The following LRMDA variants were observed in gnomAD, a reference collection of about 807,000 sequenced individuals.
LRMDA encodes leucine-rich melanocyte differentiation-associated protein.
In LRMDA, 18 loss-of-function variants were observed where a neutral mutation model predicts 29.8. That is an observed-to-expected ratio of 0.60 (90% CI 0.42 to 0.90). The LOEUF (loss-of-function observed/expected upper bound fraction) is 0.90. Among genes scored for constraint, LRMDA ranks in the 40% least tolerant of loss-of-function variants. The pLI is 0.00. For synonymous variants in LRMDA, 125 were observed against 109.4 expected (o/e 1.14, Z -0.89); for missense variants, 273 against 273.9 (o/e 1.00, Z 0.02).
At chr10:75,542,586 C>T (rs12257177) in intron 2 of LRMDA, among the ~76,000 whole-genome samples, 3,847 of 152,260 alleles carry the variant, frequency 0.025, 176 homozygotes, top group African/African-American at 0.088. Context: ...GAACTCACTG[C>T]AGATTAAGAG....
intron 2 of LRMDA, among the ~76,000 whole-genome samples, chr10:75,696,672 G>A (rs531385255): frequency 2.0e-5 from 3 of 152,292 alleles, no homozygotes; most frequent in East Asian, 3.9e-4. Context: ...TTACAGATGA[G>A]GAAATAAAGA....
intron 2 of LRMDA, among the ~76,000 whole-genome samples, chr10:75,723,230 C>A (rs949099983): frequency 3.9e-5 from 6 of 152,180 alleles, no homozygotes; most frequent in African/African-American, 1.4e-4. Flanking sequence ...AGGGAAACAG[C>A]CTGAGGAGCC....
At chr10:76,418,844 C>T (rs1370885941) in intron 6 of LRMDA, among the ~76,000 whole-genome samples, 1 of 151,920 alleles carries the variant, frequency 6.6e-6, no homozygotes, top group African/African-American at 2.4e-5. Flanking sequence ...ATATTTTGTG[C>T]CTCTGTAGAG....
At chr10:75,742,152 A>G (rs1589182008) in intron 2 of LRMDA, among the ~76,000 whole-genome samples, 1 of 152,216 alleles carries the variant, frequency 6.6e-6, no homozygotes, top group African/African-American at 2.4e-5. Flanking sequence ...TATAGGCAGG[A>G]AGTAAAAATC....
At chr10:75,813,647 G>A (rs1480031171) in intron 2 of LRMDA, among the ~76,000 whole-genome samples, 1 of 152,128 alleles carries the variant, frequency 6.6e-6, no homozygotes, top group Non-Finnish European at 1.5e-5. Flanking sequence ...AGTGATATTT[G>A]CCAGAAAATA....
chr10:76,120,715 G>T (rs1381555970), intron 5 of LRMDA, among the ~76,000 whole-genome samples: 2 of 152,090 alleles, frequency 1.3e-5, no homozygotes, highest in Non-Finnish European at 2.9e-5. Context: ...ATTATTTTGA[G>T]CTTGTACATA....
At chr10:76,425,499 T>C (rs1054218205) in intron 6 of LRMDA, among the ~76,000 whole-genome samples, 2 of 151,958 alleles carry the variant, frequency 1.3e-5, no homozygotes, top group African/African-American at 4.8e-5. Context: ...AAAATCTACC[T>C]TGAAGGATTA....
At chr10:75,926,615 G>A (rs915285149) in intron 2 of LRMDA, among the ~76,000 whole-genome samples, 2 of 152,180 alleles carry the variant, frequency 1.3e-5, no homozygotes, top group Non-Finnish European at 2.9e-5. Context: ...CTTCACCTGG[G>A]TGTTTATGGG....
intron 2 of LRMDA, among the ~76,000 whole-genome samples, chr10:75,921,660 A>G (rs1419052775): frequency 3.3e-5 from 5 of 152,224 alleles, no homozygotes; most frequent in African/African-American, 7.2e-5. Context: ...AAGCTTATCT[A>G]CATGGTTGTA....
rs148725737 is a variant in LRMDA at position 76,214,913 on chromosome 10, T to G, written c.517-109488T>G. Reference sequence around the variant, plus strand: ...AATGAAGTGCTGGGAACAGCAGAACTCTCCATAAATTCTGCCTGGATTAAA... The same window carrying G: ...AATGAAGTGCTGGGAACAGCAGAACGCTCCATAAATTCTGCCTGGATTAAA... On this transcript the variant is annotated intron_variant, in intron 5 of 6. Transcript: ENST00000611255. Among the ~76,000 whole-genome samples, 146 of 152,284 alleles carry G rather than the reference T, an allele frequency of 9.6e-4. 2 individuals carry two copies. In the East Asian group the frequency reaches 0.026, roughly 27 times the overall value.
chr10:76,452,918 A>G (rs996606655), intron 6 of LRMDA, among the ~76,000 whole-genome samples: 2 of 152,168 alleles, frequency 1.3e-5, no homozygotes, highest in African/African-American at 4.8e-5. Flanking sequence ...ATGCCATGCA[A>G]CTTCTCTACT....
chr10:75,795,447 C>T (rs1843636919), intron 2 of LRMDA, among the ~76,000 whole-genome samples: 1 of 151,974 alleles, frequency 6.6e-6, no homozygotes, highest in African/African-American at 2.4e-5. Flanking sequence ...AATTGAGAGT[C>T]TGTGTGTATA....
At chr10:75,820,834 A>G (rs1342067429) in intron 2 of LRMDA, among the ~76,000 whole-genome samples, 1 of 152,238 alleles carries the variant, frequency 6.6e-6, no homozygotes, top group Non-Finnish European at 1.5e-5. Flanking sequence ...AGGTGTCATT[A>G]CAAATGGTAT....
intron 2 of LRMDA, among the ~76,000 whole-genome samples, chr10:75,733,909 G>A (rs1325591851): frequency 6.6e-6 from 1 of 152,164 alleles, no homozygotes; most frequent in African/African-American, 2.4e-5. Flanking sequence ...TGAAGAAATG[G>A]ACTTTTATCG....
At chr10:76,130,116 T>G (rs974120357) in intron 5 of LRMDA, among the ~76,000 whole-genome samples, 2 of 14,068 alleles carry the variant, frequency 1.4e-4, no homozygotes, top group African/African-American at 2.2e-3. Context: ...CTGCTCAAAG[T>G]TTTTTTTTTT....
At chr10:75,733,386 C>A (rs920758151) in intron 2 of LRMDA, among the ~76,000 whole-genome samples, 1 of 152,150 alleles carries the variant, frequency 6.6e-6, no homozygotes, top group African/African-American at 2.4e-5. Flanking sequence ...GGAAGGAGTT[C>A]GTATGGTTCA....
intron 2 of LRMDA, among the ~76,000 whole-genome samples, chr10:75,631,980 C>T (rs970492822): frequency 2.0e-5 from 3 of 152,110 alleles, no homozygotes; most frequent in Admixed American, 6.6e-5. Flanking sequence ...GTGTTGGATG[C>T]CATAATGTGT....
At chr10:76,388,482 T>G (rs11599008) in intron 6 of LRMDA, among the ~76,000 whole-genome samples, 4,401 of 152,296 alleles carry the variant, frequency 0.029, 57 homozygotes, top group African/African-American at 0.043. Context: ...AGATGAGGAT[T>G]TCTAACTGAA....
At chr10:75,691,155 CATAG>C (rs1162113672) in intron 2 of LRMDA, among the ~76,000 whole-genome samples, 1 of 91,140 alleles carries the variant, frequency 1.1e-5, no homozygotes, top group Non-Finnish European at 2.2e-5. Flanking sequence ...TATCTATATA[CATAG>C]ATATATAGAT....
Sources: gnomAD v4.1 joint callset for allele counts (sites outside exome capture counted in the v4.1 genomes callset) on GRCh38, gnomAD v4.1.1 for gene constraint, MANE v1.5 for transcripts, NCBI Gene and HGNC (gene_info 2026-07-23, HGNC 2026-07-21) for gene names.